The following SLC24A2 variants were observed in gnomAD, a reference collection of about 807,000 sequenced individuals.
SLC24A2 encodes solute carrier family 24 member 2.
SLC24A2 carries 36 observed loss-of-function variants against 62.0 expected under a neutral mutation model. That is an observed-to-expected ratio of 0.58 (90% CI 0.44 to 0.77). The LOEUF is 0.77. SLC24A2 is among the 30% of genes least tolerant of loss of function. The probability of loss-of-function intolerance (pLI) is 0.00; values close to 1 mark genes in which losing one functional copy is unlikely to be tolerated. For synonymous variants in SLC24A2, 358 were observed against 294.0 expected (o/e 1.22, Z -2.23); for missense variants, 846 against 817.9 (o/e 1.03, Z -0.42).
At chr9:19,523,605 G>C (rs1352110274) in intron 9 of SLC24A2, among the ~76,000 whole-genome samples, 1 of 152,090 alleles carries the variant, frequency 6.6e-6, no homozygotes, top group Non-Finnish European at 1.5e-5. Context: ...TGGGATTACA[G>C]GCATCTGCCA....
At chr9:20,277,710 C>A in the SLC24A2 span, among the ~76,000 whole-genome samples, 1 of 152,126 alleles carries the variant, frequency 6.6e-6, no homozygotes, top group South Asian at 2.1e-4. Flanking sequence ...CTAGAAATAC[C>A]ATTTGACCCA....
At chr9:19,812,646 T>C in the SLC24A2 span, among the ~76,000 whole-genome samples, 1 of 152,164 alleles carries the variant, frequency 6.6e-6, no homozygotes, top group Non-Finnish European at 1.5e-5. Context: ...TCTACATCTG[T>C]TGTCTAATTT....
chr9:20,041,208 G>GAC, the SLC24A2 span, among the ~76,000 whole-genome samples: 1 of 150,552 alleles, frequency 6.6e-6, no homozygotes, highest in Non-Finnish European at 1.5e-5. Context: ...AAGAAAGAGA[G>GAC]ATAGGGAGGT....
chr9:19,999,563 T>G, the SLC24A2 span, among the ~76,000 whole-genome samples: 1 of 152,200 alleles, frequency 6.6e-6, no homozygotes, highest in Non-Finnish European at 1.5e-5. Flanking sequence ...TTCATCCTCA[T>G]GGCAATGAGC....
intron 4 of SLC24A2, among the ~76,000 whole-genome samples, chr9:19,601,509 G>A (rs777489842): frequency 1.3e-5 from 2 of 152,128 alleles, no homozygotes; most frequent in Non-Finnish European, 2.9e-5. Context: ...CACTCACCAC[G>A]AAGGTCCACG....
intron 8 of SLC24A2, among the ~76,000 whole-genome samples, chr9:19,537,111 G>C (rs376157804): frequency 5.3e-5 from 8 of 151,526 alleles, no homozygotes; most frequent in East Asian, 3.9e-4. Flanking sequence ...AGCCCTTTGT[G>C]AGATGAGTAG....
the SLC24A2 span, among the ~76,000 whole-genome samples, chr9:19,849,012 G>A: frequency 6.6e-6 from 1 of 152,174 alleles, no homozygotes; most frequent in African/African-American, 2.4e-5. Context: ...CCCTAGAGTG[G>A]GAGGCAGACA....
At chr9:20,302,358 T>C in the SLC24A2 span, among the ~76,000 whole-genome samples, 1 of 152,234 alleles carries the variant, frequency 6.6e-6, no homozygotes, top group African/African-American at 2.4e-5. Context: ...CAGCAATCAA[T>C]GAGAGCTCCT....
chr9:19,872,937 T>A, the SLC24A2 span, among the ~76,000 whole-genome samples: 2 of 152,178 alleles, frequency 1.3e-5, no homozygotes, highest in Admixed American at 1.3e-4. Flanking sequence ...AAATCCCTCA[T>A]GTCTAAATTC....
At chr9:19,709,371 G>A (rs1227573610) in intron 2 of SLC24A2, among the ~76,000 whole-genome samples, 1 of 152,166 alleles carries the variant, frequency 6.6e-6, no homozygotes, top group Non-Finnish European at 1.5e-5. Context: ...TCTAGAACAA[G>A]AAATACCATT....
the SLC24A2 span, among the ~76,000 whole-genome samples, chr9:20,155,729 T>C: frequency 1.3e-5 from 2 of 151,912 alleles, no homozygotes; most frequent in East Asian, 1.9e-4. Flanking sequence ...CTCTTTCAGA[T>C]GCCATCAACA....
At chr9:20,238,983 A>T in the SLC24A2 span, among the ~76,000 whole-genome samples, 3 of 152,340 alleles carry the variant, frequency 2.0e-5, no homozygotes, top group South Asian at 6.2e-4. Flanking sequence ...GAAAGCAGCC[A>T]TCTATAAGCC....
chr9:19,615,994 GCACACACACA>G (rs3220155), intron 4 of SLC24A2, among the ~76,000 whole-genome samples: 2,270 of 140,872 alleles, frequency 0.016, 16 homozygotes, highest in Admixed American at 0.031. Flanking sequence ...TCACAGGCGT[GCACACACACA>G]CACACACACA....
chr9:19,555,508 A>G (rs1277129647), intron 7 of SLC24A2, among the ~76,000 whole-genome samples: 1 of 152,210 alleles, frequency 6.6e-6, no homozygotes, highest in African/African-American at 2.4e-5. Flanking sequence ...ATTTTCTCAA[A>G]ACCATTCATT....
the SLC24A2 span, among the ~76,000 whole-genome samples, chr9:20,167,863 C>T: frequency 5.5e-3 from 837 of 151,814 alleles, 4 homozygotes; most frequent in Middle Eastern, 0.01. Flanking sequence ...GGGATTACAG[C>T]CATGAGCCAC....
At chr9:19,941,644 C>G in the SLC24A2 span, among the ~76,000 whole-genome samples, 1 of 151,448 alleles carries the variant, frequency 6.6e-6, no homozygotes, top group Non-Finnish European at 1.5e-5. Context: ...GTGGCTTTAC[C>G]TCTTCTAAAC....
At chr9:19,548,131 C>T (rs1042979842) in intron 8 of SLC24A2, among the ~76,000 whole-genome samples, 35 of 151,654 alleles carry the variant, frequency 2.3e-4, no homozygotes, top group Non-Finnish European at 4.4e-5. Flanking sequence ...CACTAGGCTG[C>T]ATTATTTAAG....
At chr9:19,916,265 T>C in the SLC24A2 span, among the ~76,000 whole-genome samples, 4 of 152,066 alleles carry the variant, frequency 2.6e-5, no homozygotes, top group Non-Finnish European at 5.9e-5. Flanking sequence ...TTGGTATATA[T>C]GTCTATACTT....
intron 4 of SLC24A2, among the ~76,000 whole-genome samples, chr9:19,597,567 C>T (rs926346996): frequency 6.6e-6 from 1 of 152,156 alleles, no homozygotes; most frequent in Non-Finnish European, 1.5e-5. Flanking sequence ...GCAAAGATAA[C>T]TTCACCCCAG....
Sources: gnomAD v4.1 joint callset for allele counts (sites outside exome capture counted in the v4.1 genomes callset) on GRCh38, gnomAD v4.1.1 for gene constraint, MANE v1.5 for transcripts, NCBI Gene and HGNC (gene_info 2026-07-23, HGNC 2026-07-21) for gene names.